Variants in PAPPA2 observed in about 807,000 individuals in gnomAD.
The protein encoded by PAPPA2 is pappalysin 2, also known as pappalysin-2.
PAPPA2 carries 86 observed loss-of-function variants against 176.4 expected under a neutral mutation model. The ratio of observed to expected loss-of-function variants is 0.49; its 90% CI spans 0.41 to 0.58. The LOEUF is 0.58. Among genes scored for constraint, PAPPA2 ranks in the 20% least tolerant of loss-of-function variants. The pLI is 0.00. For synonymous variants in PAPPA2, 809 were observed against 852.2 expected, an observed-to-expected ratio of 0.95 and a Z score of 0.88; for missense variants, 2,073 against 2,256.9, an observed-to-expected ratio of 0.92 and a Z score of 1.65.
chr1:176,778,948 C>T (rs1664582073), intron 17 of PAPPA2, among the ~76,000 whole-genome samples: 1 of 152,094 alleles, frequency 6.6e-6, no homozygotes, highest in Non-Finnish European at 1.5e-5. Flanking sequence ...AATCTCTGCC[C>T]CAAGACTTAG....
chr1:176,828,243 T>C (rs1394379798), intron 21 of PAPPA2, among the ~76,000 whole-genome samples: 2 of 152,140 alleles, frequency 1.3e-5, no homozygotes, highest in East Asian at 1.9e-4. Context: ...AAAATGGTCA[T>C]AATAATGGGC....
intron 3 of PAPPA2, among the ~76,000 whole-genome samples, chr1:176,608,598 A>G (rs1264066107): frequency 6.6e-6 from 1 of 152,026 alleles, no homozygotes; most frequent in South Asian, 2.1e-4. Context: ...TTAATTTTTA[A>G]TATTTTTGGT....
chr1:176,755,456 C>CA (rs1478009144), intron 14 of PAPPA2, among the ~76,000 whole-genome samples: 1 of 152,206 alleles, frequency 6.6e-6, no homozygotes, highest in African/African-American at 2.4e-5. Flanking sequence ...TAAACTTCAT[C>CA]ACGGGGCTGT....
At chr1:176,752,985 T>G (rs1663250109) in intron 14 of PAPPA2, among the ~76,000 whole-genome samples, 1 of 152,204 alleles carries the variant, frequency 6.6e-6, no homozygotes, top group South Asian at 2.1e-4. Flanking sequence ...TCATGGAGAA[T>G]TCACTGTAGA....
At chr1:176,627,083 G>T (rs1023727169) in intron 3 of PAPPA2, among the ~76,000 whole-genome samples, 1 of 151,638 alleles carries the variant, frequency 6.6e-6, no homozygotes, top group African/African-American at 2.4e-5. Flanking sequence ...AATAATTCAG[G>T]CCTGTACATC....
chr1:176,550,477 C>A (rs996216982), intron 1 of PAPPA2, among the ~76,000 whole-genome samples: 1 of 152,196 alleles, frequency 6.6e-6, no homozygotes, highest in Non-Finnish European at 1.5e-5. Flanking sequence ...TCTCCCCCAG[C>A]CAAAGGGCTC....
intron 21 of PAPPA2, among the ~76,000 whole-genome samples, chr1:176,823,537 C>T (rs1363745160): frequency 6.6e-6 from 1 of 152,156 alleles, no homozygotes; most frequent in East Asian, 1.9e-4. Context: ...CCTAAAATTG[C>T]AGTGATTTAC....
In PAPPA2 at chr1:176,594,818, C is replaced by T; in HGVS notation, c.1214C>T (p.Ser405Phe). The T allele has an allele frequency of 6.2e-7, 1 of 1,614,250 alleles. No homozygotes were observed. Among genetic ancestry groups the T allele is most frequent in the Non-Finnish European group, 8.5e-7 (1 of 1,180,040 alleles). Residue 405 changes from serine to phenylalanine, a missense_variant, in exon 3 of 23, where the codon TCT becomes TTT. Transcript: ENST00000367662. ...LNSPFMASCR[S>F]LLLGGDSSED... The stretch of plus-strand genomic sequence containing the variant: ...AGCCCCTTCATGGCATCTTGCCGCT[C>T]TTTGCTCCTGGGGGGAGACAGCTCT...
chr1:176,509,050 T>C (rs934796004), intron 1 of PAPPA2, among the ~76,000 whole-genome samples: 21 of 152,014 alleles, frequency 1.4e-4, no homozygotes, highest in African/African-American at 4.1e-4. Flanking sequence ...AAATATAATA[T>C]GTATAATTAG....
intron 14 of PAPPA2, 60 bp downstream of exon 14, chr1:176,740,256 C>T (rs917995329): frequency 6.7e-7 from 1 of 1,486,718 alleles, no homozygotes; most frequent in Non-Finnish European, 9.3e-7. Context: ...GATTGGCTCA[C>T]ATTTACATAG....
intron 17 of PAPPA2, among the ~76,000 whole-genome samples, chr1:176,789,017 C>A (rs1665059962): frequency 6.6e-6 from 1 of 152,142 alleles, no homozygotes; most frequent in Non-Finnish European, 1.5e-5. Context: ...TGTGTGATAA[C>A]CTTTTTTGTA....
At chr1:176,753,892 A>G (rs138260008) in intron 14 of PAPPA2, among the ~76,000 whole-genome samples, 4 of 152,222 alleles carry the variant, frequency 2.6e-5, no homozygotes, top group Non-Finnish European at 4.4e-5. Context: ...ATTTGTCCAT[A>G]AAATAAGAAG....
intron 20 of PAPPA2, among the ~76,000 whole-genome samples, chr1:176,796,581 T>G (rs1665434900): frequency 6.6e-6 from 1 of 151,504 alleles, no homozygotes; most frequent in Non-Finnish European, 1.5e-5. Context: ...TAACCTTTAC[T>G]GTTTCTTTCT....
rs1370639529 is a variant in PAPPA2, at chr1:176,842,363, C to T, written c.5302-17C>T. 3 of 1,608,430 alleles carry T rather than the reference C, an allele frequency of 1.9e-6. No individual in the cohort carries two copies. The highest frequency in any genetic ancestry group is 2.2e-5 in the East Asian group (1 of 44,820). ...TCACAGAAATGAGCTATTTCTACTTCCCTTTCATTCCCCTAGGTCATTCCA... is the reference window on the plus strand; with the variant it reads ...TCACAGAAATGAGCTATTTCTACTTTCCTTTCATTCCCCTAGGTCATTCCA... On this transcript the variant is annotated splice_polypyrimidine_tract_variant and intron_variant, in intron 22 of 22. Coordinates refer to ENST00000367662, the MANE Select transcript of PAPPA2 (RefSeq NM_020318.3).
chr1:176,583,317 T>C (rs1653100357), intron 2 of PAPPA2, among the ~76,000 whole-genome samples: 1 of 152,112 alleles, frequency 6.6e-6, no homozygotes, highest in Non-Finnish European at 1.5e-5. Flanking sequence ...TGTTACGTTG[T>C]TGTTTTTTGA....
rs1329274231 is a variant in PAPPA2 at position 176,844,203 on chromosome 1, T to C, written c.*1749T>C. The C allele has an allele frequency of 1.3e-5, 2 of 152,134 alleles. No individual in the cohort carries two copies. Among genetic ancestry groups the C allele is most frequent in the Non-Finnish European group, 2.9e-5 (2 of 68,008 alleles). The allele number at this position is 152,134 out of a possible 1,614,324, so 9.4% of individuals were successfully genotyped here. On this transcript the variant is annotated 3_prime_UTR_variant, in exon 23 of 23. Coordinates refer to ENST00000367662, the MANE Select transcript of PAPPA2 (RefSeq NM_020318.3). Reference sequence around the variant, plus strand: ...GTCTCCTTTAAAGTTTCTTCTCCAATGGAAACCAAGAACAGACAAAATTTA... The same window carrying C: ...GTCTCCTTTAAAGTTTCTTCTCCAACGGAAACCAAGAACAGACAAAATTTA...
chr1:176,816,733 T>C (rs2102968984), intron 21 of PAPPA2, among the ~76,000 whole-genome samples: 1 of 152,124 alleles, frequency 6.6e-6, no homozygotes, highest in East Asian at 1.9e-4. Context: ...TGAGAGATAA[T>C]AAATGCTTGG....
rs1194768534 is a variant in PAPPA2 at position 176,711,745 on chromosome 1, A to C, written c.3652-90A>C. 2.1e-6 allele frequency: 3 copies of C among 1,408,208 alleles called. No homozygotes were observed. The African/African-American group carries it at 4.3e-5, about 20-fold the overall frequency. 87.2% of individuals were successfully genotyped at this position (1,408,208 alleles called of 1,614,324 possible). On this transcript the variant is annotated intron_variant, in intron 11 of 22. Transcript: ENST00000367662. ...ATCATTAGGCATTCAGAAAGAGAGA[A>C]CAACTTTGCTTTGAGCTGGAGAGTT...
intron 12 of PAPPA2, among the ~76,000 whole-genome samples, chr1:176,717,164 A>T (rs1046835717): frequency 6.6e-6 from 1 of 152,174 alleles, no homozygotes; most frequent in Non-Finnish European, 1.5e-5. Flanking sequence ...AAGGTAGAAG[A>T]TCAGTAGGAC....
Sources: allele counts gnomAD v4.1 joint callset (sites outside exome capture counted in the v4.1 genomes callset), GRCh38; gene constraint gnomAD v4.1.1; transcripts MANE v1.5; gene names NCBI Gene and HGNC (gene_info 2026-07-23, HGNC 2026-07-21).